Variants in CDH12 observed in about 807,000 individuals in gnomAD.
CDH12 encodes cadherin 12.
Under a neutral mutation model 74.1 loss-of-function variants are expected in CDH12, and 41 were observed. That is an observed-to-expected ratio of 0.55 (90% CI 0.43 to 0.72). The LOEUF is 0.72. Ranked by LOEUF, CDH12 falls within the 30% of genes least tolerant of loss-of-function variation. The pLI, the probability that CDH12 is intolerant of heterozygous loss-of-function variation, is 0.00. For missense variants in CDH12, 945 were observed against 977.2 expected, an observed-to-expected ratio of 0.97 and a Z score of 0.44; for synonymous variants, 399 against 355.0, an observed-to-expected ratio of 1.12 and a Z score of -1.39.
At chr5:22,715,499 G>A (rs1372234651) in intron 1 of CDH12, among the ~76,000 whole-genome samples, 1 of 152,198 alleles carries the variant, frequency 6.6e-6, no homozygotes, top group Non-Finnish European at 1.5e-5. Context: ...AAAGGGTGAT[G>A]AGTACCTGTC....
At chr5:22,756,917 C>T (rs1269927843) in intron 1 of CDH12, among the ~76,000 whole-genome samples, 1 of 151,276 alleles carries the variant, frequency 6.6e-6, no homozygotes, top group African/African-American at 2.4e-5. Context: ...CAAGATCACA[C>T]TACTGCACTC....
chr5:22,233,023 T>G (rs545839701), intron 3 of CDH12, among the ~76,000 whole-genome samples: 490 of 151,488 alleles, frequency 3.2e-3, no homozygotes, highest in Non-Finnish European at 5.3e-3. Context: ...ATGTCTTCAC[T>G]CAAACACTAT....
intron 4 of CDH12, among the ~76,000 whole-genome samples, chr5:22,163,653 C>G (rs963862483): frequency 1.5e-4 from 23 of 152,288 alleles, no homozygotes; most frequent in African/African-American, 5.1e-4. Flanking sequence ...CATGAGACAC[C>G]ATTGTCTCTT....
At chr5:22,760,903 C>CA (rs1419158748) in intron 1 of CDH12, among the ~76,000 whole-genome samples, 1 of 152,024 alleles carries the variant, frequency 6.6e-6, no homozygotes, top group East Asian at 1.9e-4. Flanking sequence ...ACAACATGCA[C>CA]AAAAAAACCC....
At chr5:22,507,994 T>A (rs778915426) in intron 1 of CDH12, among the ~76,000 whole-genome samples, 1 of 152,208 alleles carries the variant, frequency 6.6e-6, no homozygotes, top group East Asian at 1.9e-4. Flanking sequence ...CCTTTTCCTC[T>A]GTGTATTCAA....
At chr5:22,173,212 C>CATATAT (rs1214990917) in intron 4 of CDH12, among the ~76,000 whole-genome samples, 16 of 148,244 alleles carry the variant, frequency 1.1e-4, no homozygotes, top group Non-Finnish European at 2.2e-4. Context: ...TAAATGTACA[C>CATATAT]ATTTAATTAC....
intron 1 of CDH12, among the ~76,000 whole-genome samples, chr5:22,740,559 C>G (rs1312253448): frequency 6.6e-6 from 1 of 151,884 alleles, no homozygotes; most frequent in Non-Finnish European, 1.5e-5. Flanking sequence ...TGTTTCAAGA[C>G]AACTTATTAG....
chr5:22,643,387 A>G (rs779888075), intron 1 of CDH12, among the ~76,000 whole-genome samples: 3 of 152,176 alleles, frequency 2.0e-5, no homozygotes, highest in Non-Finnish European at 2.9e-5. Context: ...GTTTGCTTCA[A>G]ACATGATATT....
At chr5:22,753,959 A>T (rs1412626771) in intron 1 of CDH12, among the ~76,000 whole-genome samples, 1 of 152,196 alleles carries the variant, frequency 6.6e-6, no homozygotes, top group Non-Finnish European at 1.5e-5. Flanking sequence ...AAAGGGGAAC[A>T]GCTGCTTACT....
intron 8 of CDH12, among the ~76,000 whole-genome samples, chr5:21,826,533 T>C (rs6887681): frequency 0.87 from 132,471 of 152,128 alleles, 57,927 homozygotes; most frequent in South Asian, 0.91. Context: ...TGCTAACTGG[T>C]CTTCTGACAT....
At chr5:22,306,841 C>T (rs1270964074) in intron 3 of CDH12, among the ~76,000 whole-genome samples, 1 of 152,038 alleles carries the variant, frequency 6.6e-6, no homozygotes, top group Non-Finnish European at 1.5e-5. Context: ...ATGTACCATG[C>T]CTCTACATTA....
chr5:21,778,354 A>G (rs938310334), intron 11 of CDH12, among the ~76,000 whole-genome samples: 10 of 151,814 alleles, frequency 6.6e-5, no homozygotes, highest in Non-Finnish European at 1.0e-4. Context: ...GAAAGCTATT[A>G]ATATAGTTTA....
chr5:21,862,145 T>G (rs1751079584), intron 6 of CDH12, among the ~76,000 whole-genome samples: 1 of 152,116 alleles, frequency 6.6e-6, no homozygotes, highest in African/African-American at 2.4e-5. Flanking sequence ...TAAACTTATG[T>G]GGGTTTTATA....
At chr5:22,656,549 G>A (rs1009914515) in intron 1 of CDH12, among the ~76,000 whole-genome samples, 3 of 152,146 alleles carry the variant, frequency 2.0e-5, no homozygotes, top group Non-Finnish European at 4.4e-5. Context: ...AAATATATGA[G>A]TGGCTGTAAC....
At chr5:22,842,044 A>G (rs1737102155) in intron 1 of CDH12, among the ~76,000 whole-genome samples, 1 of 152,180 alleles carries the variant, frequency 6.6e-6, no homozygotes, top group Admixed American at 6.5e-5. Context: ...TGAGATGACA[A>G]CAGAACAGGT....
chr5:22,478,563 A>C (rs915317635), intron 2 of CDH12, among the ~76,000 whole-genome samples: 2 of 152,094 alleles, frequency 1.3e-5, no homozygotes, highest in African/African-American at 4.8e-5. Context: ...GAGAAGTAAA[A>C]ATTTAGCTAC....
At chr5:22,162,546 G>A (rs1184401580) in intron 4 of CDH12, among the ~76,000 whole-genome samples, 1 of 152,202 alleles carries the variant, frequency 6.6e-6, no homozygotes, top group Admixed American at 6.5e-5. Context: ...TGTTGACCAG[G>A]CAGGCGTAAA....
chr5:22,109,399 C>T (rs1744685515), intron 4 of CDH12, among the ~76,000 whole-genome samples: 1 of 152,186 alleles, frequency 6.6e-6, no homozygotes, highest in South Asian at 2.1e-4. Flanking sequence ...GCAACTACTG[C>T]ATGTGCAGGT....
chr5:22,590,532 C>T (rs1261899353), intron 1 of CDH12, among the ~76,000 whole-genome samples: 1 of 151,906 alleles, frequency 6.6e-6, no homozygotes, highest in Non-Finnish European at 1.5e-5. Context: ...TTTTTCTTTC[C>T]TCATTAAATA....
Sources: gnomAD v4.1 joint callset for allele counts (sites outside exome capture counted in the v4.1 genomes callset) on GRCh38, gnomAD v4.1.1 for gene constraint, MANE v1.5 for transcripts, NCBI Gene and HGNC (gene_info 2026-07-23, HGNC 2026-07-21) for gene names.